GRIP1: variants seen among roughly 807,000 people sequenced by gnomAD.
GRIP1 encodes the protein glutamate receptor interacting protein 1.
A neutral mutation model predicts 129.9 loss-of-function variants in GRIP1; 45 were observed. That is an observed-to-expected ratio of 0.35 (90% CI 0.27 to 0.44). GRIP1 has a LOEUF of 0.44. GRIP1 is among the 20% of genes least tolerant of loss of function. The pLI is 1.00. For missense variants in GRIP1, 1,196 were observed against 1,396.8 expected, an observed-to-expected ratio of 0.86 and a Z score of 2.29; for synonymous variants, 530 against 520.8, an observed-to-expected ratio of 1.02 and a Z score of -0.24.
At chr12:66,520,761 G>A (rs192910316) in intron 5 of GRIP1, among the ~76,000 whole-genome samples, 1 of 152,078 alleles carries the variant, frequency 6.6e-6, no homozygotes, top group Admixed American at 6.5e-5. Flanking sequence ...ATTACTCTTG[G>A]TTTAGCTCTT....
At chr12:66,879,142 A>G (rs553413400) in intron 1 of GRIP1, among the ~76,000 whole-genome samples, 1 of 152,108 alleles carries the variant, frequency 6.6e-6, no homozygotes, top group East Asian at 1.9e-4. Flanking sequence ...GAAAAAGGTA[A>G]TATAGGAAAG....
intron 2 of GRIP1, among the ~76,000 whole-genome samples, chr12:66,566,608 G>T (rs753973940): frequency 1.3e-5 from 2 of 152,142 alleles, no homozygotes; most frequent in Non-Finnish European, 2.9e-5. Flanking sequence ...TCCTTGCCAG[G>T]CTTTGGTATC....
At chr12:66,600,703 T>G (rs1489144826) in intron 1 of GRIP1, among the ~76,000 whole-genome samples, 4 of 152,346 alleles carry the variant, frequency 2.6e-5, no homozygotes, top group Non-Finnish European at 2.9e-5. Flanking sequence ...TATAGAATGA[T>G]TTATTGACCA....
intron 1 of GRIP1, among the ~76,000 whole-genome samples, chr12:66,951,496 G>C (rs969691361): frequency 6.6e-6 from 1 of 152,154 alleles, no homozygotes; most frequent in Non-Finnish European, 1.5e-5. Context: ...GAGGTTGGAG[G>C]GGTCAGTGGG....
intron 1 of GRIP1, among the ~76,000 whole-genome samples, chr12:66,939,076 G>T (rs935144171): frequency 6.6e-6 from 1 of 152,178 alleles, no homozygotes; most frequent in Non-Finnish European, 1.5e-5. Context: ...TCACAGGAGA[G>T]GTAGAGACTT....
At chr12:66,829,497 C>G (rs184175648) in intron 1 of GRIP1, among the ~76,000 whole-genome samples, 25 of 152,284 alleles carry the variant, frequency 1.6e-4, no homozygotes, top group Admixed American at 1.3e-4. Context: ...AATAACACGA[C>G]AGCCACAGGA....
chr12:67,068,327 G>T (rs568040665), intron 1 of GRIP1, among the ~76,000 whole-genome samples: 15 of 152,304 alleles, frequency 9.8e-5, no homozygotes, highest in Non-Finnish European at 1.8e-4. Flanking sequence ...GCAGAGAGCC[G>T]CCTTTTGCAA....
intron 19 of GRIP1, among the ~76,000 whole-genome samples, chr12:66,383,886 G>T (rs2056236357): frequency 1.3e-5 from 2 of 152,174 alleles, no homozygotes; most frequent in Admixed American, 6.5e-5. Flanking sequence ...CTTCTGAGAA[G>T]GCTCCTTACA....
chr12:66,394,886 T>G (rs2056732174), intron 16 of GRIP1, among the ~76,000 whole-genome samples: 1 of 152,194 alleles, frequency 6.6e-6, no homozygotes, highest in Non-Finnish European at 1.5e-5. Context: ...TAAGTAAACT[T>G]GAAGACAACA....
intron 1 of GRIP1, among the ~76,000 whole-genome samples, chr12:67,007,722 A>C (rs1439129501): frequency 6.6e-6 from 1 of 152,150 alleles, no homozygotes; most frequent in African/African-American, 2.4e-5. Context: ...CCACCACAGG[A>C]AAATCATGGT....
At chr12:66,690,671 G>A (rs889313625) in intron 1 of GRIP1, among the ~76,000 whole-genome samples, 6 of 150,364 alleles carry the variant, frequency 4.0e-5, no homozygotes, top group Admixed American at 1.3e-4. Context: ...TTTATGACCA[G>A]CCTAAGCAAC....
At chr12:66,825,708 T>C (rs1351755765) in intron 1 of GRIP1, among the ~76,000 whole-genome samples, 1 of 152,202 alleles carries the variant, frequency 6.6e-6, no homozygotes, top group East Asian at 1.9e-4. Flanking sequence ...GCTGCTCTTA[T>C]TGTAATAGAA....
At chr12:66,791,739 G>C (rs182398252) in intron 1 of GRIP1, among the ~76,000 whole-genome samples, 365 of 152,262 alleles carry the variant, frequency 2.4e-3, no homozygotes, top group Non-Finnish European at 4.1e-3. Flanking sequence ...TTACACAGCT[G>C]AGTTGTATAC....
chr12:66,546,578 G>A (rs925415312), intron 2 of GRIP1, among the ~76,000 whole-genome samples: 1 of 152,052 alleles, frequency 6.6e-6, no homozygotes, highest in East Asian at 1.9e-4. Flanking sequence ...GAATAGACTC[G>A]CACAAATATG....
chr12:66,552,416 C>CT (rs142694926), intron 2 of GRIP1, among the ~76,000 whole-genome samples: 2,590 of 152,224 alleles, frequency 0.017, 68 homozygotes, highest in African/African-American at 0.059. Context: ...GCAGTTTATA[C>CT]TTTTCCAAGT....
At chr12:66,758,845 G>A (rs1283898843) in intron 1 of GRIP1, among the ~76,000 whole-genome samples, 1 of 152,184 alleles carries the variant, frequency 6.6e-6, no homozygotes, top group Non-Finnish European at 1.5e-5. Flanking sequence ...AATGCAAGAG[G>A]CAGGTTCCCA....
chr12:66,941,551 C>T (rs1168809417), intron 1 of GRIP1, among the ~76,000 whole-genome samples: 1 of 152,154 alleles, frequency 6.6e-6, no homozygotes, highest in Non-Finnish European at 1.5e-5. Context: ...AGCTGGTCCC[C>T]TAAAGCTTTT....
At chr12:66,911,951 C>A (rs1488534599) in intron 1 of GRIP1, among the ~76,000 whole-genome samples, 1 of 152,142 alleles carries the variant, frequency 6.6e-6, no homozygotes, top group Non-Finnish European at 1.5e-5. Flanking sequence ...GCTGAATAAA[C>A]CTGCATCTTC....
chr12:66,721,491 T>A (rs2036056956), intron 1 of GRIP1, among the ~76,000 whole-genome samples: 1 of 152,032 alleles, frequency 6.6e-6, no homozygotes, highest in Non-Finnish European at 1.5e-5. Flanking sequence ...GCCAGGCTGG[T>A]CTTGAACTCC....
Sources: allele counts gnomAD v4.1 joint callset (sites outside exome capture counted in the v4.1 genomes callset), GRCh38; gene constraint gnomAD v4.1.1; transcripts MANE v1.5; gene names NCBI Gene and HGNC (gene_info 2026-07-23, HGNC 2026-07-21).